Variants in SRD5A2 observed in about 807,000 individuals in gnomAD.
SRD5A2 encodes 3-oxo-5-alpha-steroid 4-dehydrogenase 2.
A neutral mutation model predicts 27.4 loss-of-function variants in SRD5A2; 30 were observed. The observed-to-expected ratio is 1.10, with a 90% CI of 0.82 to 1.49. The LOEUF (loss-of-function observed/expected upper bound fraction) is 1.49. Among genes scored for constraint, SRD5A2 ranks in the 40% most tolerant of loss-of-function variants. The pLI is 0.00. For missense variants in SRD5A2, 348 were observed against 323.4 expected (o/e 1.08, Z -0.58); for synonymous variants, 141 against 133.6 (o/e 1.06, Z -0.38).
At chr2:31,559,583 TA>T (rs1217122278) in intron 1 of SRD5A2, among the ~76,000 whole-genome samples, 1 of 151,764 alleles carries the variant, frequency 6.6e-6, no homozygotes, top group Non-Finnish European at 1.5e-5. Flanking sequence ...AAATTGCTCT[TA>T]AAAAAAGAAA....
At chr2:31,654,203 G>A in the SRD5A2 span, among the ~76,000 whole-genome samples, 2 of 152,138 alleles carry the variant, frequency 1.3e-5, no homozygotes, top group Non-Finnish European at 2.9e-5. Flanking sequence ...CAAAAATGGG[G>A]TCAGAAATTA....
the SRD5A2 span, among the ~76,000 whole-genome samples, chr2:31,626,567 A>G: frequency 1 from 151,813 of 152,302 alleles, 75,665 homozygotes; most frequent in Middle Eastern, 1. Context: ...TTAGCATGAA[A>G]GCTGTTGAAT....
intron 1 of SRD5A2, among the ~76,000 whole-genome samples, chr2:31,539,581 T>C (rs1320651536): frequency 2.0e-5 from 3 of 152,104 alleles, no homozygotes; most frequent in Non-Finnish European, 2.9e-5. Context: ...AACAAGCTCA[T>C]CCCACTTCTC....
the SRD5A2 span, among the ~76,000 whole-genome samples, chr2:31,662,822 T>C: frequency 2.6e-5 from 4 of 152,182 alleles, no homozygotes; most frequent in African/African-American, 7.2e-5. Context: ...TCTTTTAGCC[T>C]TCTAGCTCTT....
intron 1 of SRD5A2, among the ~76,000 whole-genome samples, chr2:31,547,317 A>C (rs1666282823): frequency 6.6e-6 from 1 of 152,164 alleles, no homozygotes; most frequent in Non-Finnish European, 1.5e-5. Flanking sequence ...CTTCAGTAGA[A>C]ACTGATCATG....
intron 3 of SRD5A2, 131 bp from the exon 4 acceptor site, chr2:31,529,588 T>C (rs1665860374): frequency 7.8e-7 from 1 of 1,280,698 alleles, no homozygotes; most frequent in East Asian, 2.6e-5. Flanking sequence ...TCCATAGTCA[T>C]AGGAGTTTGG....
upstream of SRD5A2, among the ~76,000 whole-genome samples, chr2:31,583,128 C>T (rs1667109335): frequency 6.6e-6 from 1 of 152,214 alleles, no homozygotes; most frequent in Admixed American, 6.5e-5. Flanking sequence ...ACAATATTCA[C>T]TCATTCATCT....
At chr2:31,608,244 T>G in the SRD5A2 span, among the ~76,000 whole-genome samples, 1 of 152,038 alleles carries the variant, frequency 6.6e-6, no homozygotes, top group African/African-American at 2.4e-5. Flanking sequence ...ATGAATTTAC[T>G]AAGTGGTAAG....
chr2:31,654,049 A>C, the SRD5A2 span, among the ~76,000 whole-genome samples: 1 of 151,910 alleles, frequency 6.6e-6, no homozygotes, highest in Non-Finnish European at 1.5e-5. Context: ...TCAGGTATAA[A>C]CTAGTGTGAG....
chr2:31,631,991 C>T, the SRD5A2 span, among the ~76,000 whole-genome samples: 1 of 152,150 alleles, frequency 6.6e-6, no homozygotes, highest in Non-Finnish European at 1.5e-5. Context: ...GAAAATCCTA[C>T]TGCCTTTCTG....
the SRD5A2 span, among the ~76,000 whole-genome samples, chr2:31,622,990 A>G: frequency 2.0e-5 from 3 of 151,850 alleles, no homozygotes; most frequent in Non-Finnish European, 4.4e-5. Context: ...CAAATGCCAA[A>G]TGAGTTCTTC....
At chr2:31,628,956 C>T in the SRD5A2 span, among the ~76,000 whole-genome samples, 1 of 152,074 alleles carries the variant, frequency 6.6e-6, no homozygotes, top group African/African-American at 2.4e-5. Context: ...CACAGGTTTT[C>T]TCTGCATTTC....
intron 1 of SRD5A2, among the ~76,000 whole-genome samples, chr2:31,562,711 A>G (rs935614646): frequency 6.6e-6 from 1 of 152,130 alleles, no homozygotes; most frequent in Non-Finnish European, 1.5e-5. Flanking sequence ...TTGAAAAACT[A>G]CCTATTGGGT....
chr2:31,647,670 A>G, the SRD5A2 span, among the ~76,000 whole-genome samples: 3 of 152,312 alleles, frequency 2.0e-5, no homozygotes, highest in East Asian at 5.8e-4. Flanking sequence ...TACTCCTAAG[A>G]GACAAACGCT....
At chr2:31,617,829 A>G in the SRD5A2 span, among the ~76,000 whole-genome samples, 618 of 152,356 alleles carry the variant, frequency 4.1e-3, 3 homozygotes, top group Non-Finnish European at 6.2e-3. Flanking sequence ...ACAAGTCTCT[A>G]GGAAGTTCCA....
chr2:31,524,750 T>G lies in SRD5A2; in HGVS notation c.*1446A>C, dbSNP rs1178184584. The G allele has an allele frequency of 4.3e-6, 1 of 229,924 alleles. No individual in the cohort carries two copies. Among genetic ancestry groups the G allele is most frequent in the Non-Finnish European group, 8.6e-6 (1 of 115,998 alleles). 14.2% of individuals were successfully genotyped at this position (229,924 alleles called of 1,614,324 possible). A position where few individuals can be genotyped will look rare whatever the true frequency, so the allele number is the denominator to read the frequency against. ...ACTGGTGCTCATTTGTCAAAACAGT[T>G]TGCTAAATATTGACAATGCATTCCG... On this transcript the variant is annotated 3_prime_UTR_variant, in exon 5 of 5. Transcript: ENST00000622030.
the SRD5A2 span, among the ~76,000 whole-genome samples, chr2:31,642,327 T>C: frequency 6.6e-6 from 1 of 152,084 alleles, no homozygotes; most frequent in Non-Finnish European, 1.5e-5. Context: ...TTTTTGACCT[T>C]TCTGACCAAG....
the SRD5A2 span, among the ~76,000 whole-genome samples, chr2:31,624,922 G>A: frequency 6.6e-6 from 1 of 152,132 alleles, no homozygotes; most frequent in Non-Finnish European, 1.5e-5. Flanking sequence ...CTAGATCCTT[G>A]AGGAATCTCC....
rs1665728246 is a variant in SRD5A2, at chr2:31,524,421, C to T, written c.*1775G>A. ...AAGTCATACTTCTTTATTTCCAGCA[C>T]ACAGCCCCTAATTTCATGAAGAGAG... On this transcript the variant is annotated 3_prime_UTR_variant, in exon 5 of 5. Transcript: ENST00000622030. 4.5e-6 allele frequency: 1 copy of T among 222,112 alleles called. No individual in the cohort carries two copies. Among genetic ancestry groups the T allele is most frequent in the Non-Finnish European group, 9.0e-6 (1 of 111,074 alleles). The allele number at this position is 222,112 out of a possible 1,614,324, so 13.8% of individuals were successfully genotyped here.
Sources: allele counts gnomAD v4.1 joint callset (sites outside exome capture counted in the v4.1 genomes callset), GRCh38; gene constraint gnomAD v4.1.1; transcripts MANE v1.5; gene names NCBI Gene and HGNC (gene_info 2026-07-23, HGNC 2026-07-21).